Variants in ZNG1E observed in about 807,000 individuals in gnomAD.
ZNG1E encodes the protein zinc-regulated GTPase metalloprotein activator 1E.
the ZNG1E span, among the ~76,000 whole-genome samples, chr9:65,683,832 C>T: frequency 6.6e-6 from 1 of 152,284 alleles, no homozygotes; most frequent in Admixed American, 6.5e-5. Flanking sequence ...GGTTTTCATA[C>T]CTTTCTGATA....
the ZNG1E span, among the ~76,000 whole-genome samples, chr9:65,715,388 G>A: frequency 1.8e-3 from 266 of 149,408 alleles, no homozygotes; most frequent in Middle Eastern, 6.8e-3. Context: ...GCTGTAGACC[G>A]GAGCTGTTCC....
chr9:65,712,873 G>T, the ZNG1E span, among the ~76,000 whole-genome samples: 2 of 88,952 alleles, frequency 2.2e-5, no homozygotes, highest in Non-Finnish European at 4.3e-5. Context: ...TATTAGGTCT[G>T]CTTGGTGCAG....
At chr9:65,671,617 G>T in the ZNG1E span, among the ~76,000 whole-genome samples, 15 of 152,352 alleles carry the variant, frequency 9.8e-5, no homozygotes, top group South Asian at 2.5e-3. Flanking sequence ...ACTGTGTCTG[G>T]CTGAGATTGC....
the ZNG1E span, among the ~76,000 whole-genome samples, chr9:65,685,186 C>T: frequency 6.6e-6 from 1 of 152,264 alleles, no homozygotes; most frequent in Non-Finnish European, 1.5e-5. Context: ...TCTCAGCTTT[C>T]AGCAAGTCAT....
chr9:65,671,256 T>C, the ZNG1E span, among the ~76,000 whole-genome samples: 2 of 151,666 alleles, frequency 1.3e-5, no homozygotes, highest in Non-Finnish European at 2.9e-5. Flanking sequence ...CTAATCCCAT[T>C]GGAAAATAGC....
At chr9:65,703,654 G>A in the ZNG1E span, 1 of 948,280 alleles carries the variant, frequency 1.1e-6, no homozygotes, top group Non-Finnish European at 1.2e-6. Flanking sequence ...CTCAGCAACA[G>A]GCAGCCAGGA....
At chr9:65,717,779 C>G in the ZNG1E span, among the ~76,000 whole-genome samples, 1 of 147,336 alleles carries the variant, frequency 6.8e-6, no homozygotes, top group African/African-American at 2.6e-5. Context: ...CCTCTGTGTC[C>G]TGGGCTTAAG....
chr9:65,710,996 G>A, the ZNG1E span, among the ~76,000 whole-genome samples: 1 of 145,464 alleles, frequency 6.9e-6, no homozygotes, highest in South Asian at 2.2e-4. Context: ...AGCATGGAAT[G>A]TTCTTCCATT....
chr9:65,682,503 A>C, the ZNG1E span: 1 of 348,986 alleles, frequency 2.9e-6, no homozygotes, highest in South Asian at 5.2e-5. Context: ...ATACTTGGTC[A>C]GATAAAGTTT....
chr9:65,680,385 C>T, the ZNG1E span, among the ~76,000 whole-genome samples: 1 of 152,166 alleles, frequency 6.6e-6, no homozygotes, highest in Non-Finnish European at 1.5e-5. Flanking sequence ...TTTTTTTCAT[C>T]ATCTTATTAA....
At chr9:65,660,559 G>A in the ZNG1E span, among the ~76,000 whole-genome samples, 1 of 152,224 alleles carries the variant, frequency 6.6e-6, no homozygotes, top group South Asian at 2.1e-4. Flanking sequence ...GTGTTGGGGA[G>A]GATACCTGTA....
the ZNG1E span, among the ~76,000 whole-genome samples, chr9:65,716,441 G>A: frequency 2.0e-5 from 3 of 151,482 alleles, no homozygotes; most frequent in East Asian, 5.8e-4. Context: ...TACATGTGTA[G>A]GCCACCACAC....
chr9:65,664,256 T>G, the ZNG1E span, among the ~76,000 whole-genome samples: 12 of 150,894 alleles, frequency 8.0e-5, no homozygotes, highest in East Asian at 1.9e-4. Flanking sequence ...GGATTTTTTT[T>G]GGGGGGGGTG....
the ZNG1E span, among the ~76,000 whole-genome samples, chr9:65,685,384 C>T: frequency 6.6e-6 from 1 of 152,214 alleles, no homozygotes; most frequent in Non-Finnish European, 1.5e-5. Flanking sequence ...TAGCATTTTA[C>T]CCACAGTATG....
At chr9:65,697,752 A>G in the ZNG1E span, among the ~76,000 whole-genome samples, 8 of 67,138 alleles carry the variant, frequency 1.2e-4, no homozygotes, top group Non-Finnish European at 2.2e-4. Flanking sequence ...GGGAAAAAAA[A>G]AAACAGACAA....
At chr9:65,665,879 GC>G in the ZNG1E span, among the ~76,000 whole-genome samples, 1 of 146,560 alleles carries the variant, frequency 6.8e-6, no homozygotes, top group African/African-American at 2.5e-5. Context: ...CTTTCATGGG[GC>G]CTGTATCCCC....
the ZNG1E span, chr9:65,719,304 C>G: frequency 1.4e-5 from 2 of 140,474 alleles, no homozygotes; most frequent in Non-Finnish European, 3.0e-5. Flanking sequence ...CCTACAAGTT[C>G]TTTCTCTTTC....
the ZNG1E span, among the ~76,000 whole-genome samples, chr9:65,714,996 C>T: frequency 8.7e-5 from 13 of 149,944 alleles, no homozygotes; most frequent in Non-Finnish European, 1.5e-4. Flanking sequence ...CCTCCCCCAG[C>T]CTCGCTGCCG....
At chr9:65,692,158 A>C in the ZNG1E span, among the ~76,000 whole-genome samples, 2 of 47,480 alleles carry the variant, frequency 4.2e-5, 1 homozygote, top group African/African-American at 1.3e-4. Context: ...GCAATAATTT[A>C]AATCTTAAGA....
Sources: gnomAD v4.1 joint callset for allele counts (sites outside exome capture counted in the v4.1 genomes callset) on GRCh38, gnomAD v4.1.1 for gene constraint, MANE v1.5 for transcripts, NCBI Gene and HGNC (gene_info 2026-07-23, HGNC 2026-07-21) for gene names.